The following MRPL55 variants were observed in gnomAD, a reference collection of about 807,000 sequenced individuals.
The protein encoded by MRPL55 is mitochondrial ribosomal protein L55, also known as large ribosomal subunit protein mL55.
MRPL55 carries 7 observed loss-of-function variants against 10.6 expected under a neutral mutation model. That is an observed-to-expected ratio of 0.66 (90% CI 0.38 to 1.24). MRPL55 has a LOEUF of 1.24. MRPL55 is among the 50% of genes most tolerant of loss of function. The pLI, the probability that MRPL55 is intolerant of heterozygous loss-of-function variation, is 0.02. For missense variants in MRPL55, 148 were observed against 180.3 expected, an observed-to-expected ratio of 0.82 and a Z score of 1.03; for synonymous variants, 57 against 71.8, an observed-to-expected ratio of 0.79 and a Z score of 1.04.
chr1:228,107,671 C>A lies in MRPL55; in HGVS notation c.225G>T (p.Leu75=). ...GCACCTGGAGAGGGAAGCTTACCGC[C>A]AGCATGCGCCGTGGCTCCCTGTAGC... ...HIRYREPRRM[L]AMPIDLDTLS... The change falls in exon 4 of 5, where the codon CTG becomes CTT. Residue 75 remains leucine, a synonymous_variant. Coordinates refer to ENST00000336520, the MANE Select transcript of MRPL55 (RefSeq NM_181463.3). The A allele has an allele frequency of 6.2e-7, 1 of 1,612,758 alleles. No homozygotes were observed. Among genetic ancestry groups the A allele is most frequent in the South Asian group, 1.1e-5 (1 of 91,048 alleles).
At chr1:228,108,575 T>A (rs1223702856) in intron 2 of MRPL55, 2 of 410,238 alleles carry the variant, frequency 4.9e-6, no homozygotes, top group East Asian at 4.0e-5. Context: ...CGTTACCGAG[T>A]CTGCGAAACC....
Position 228,106,844 on chromosome 1 carries a change from C to T in MRPL55, c.303G>A (p.Gln101=), listed in dbSNP as rs762932834. 6.2e-7 allele frequency: 1 copy of T among 1,614,012 alleles called. No homozygotes were observed. Among genetic ancestry groups the T allele is most frequent in the Non-Finnish European group, 8.5e-7 (1 of 1,180,036 alleles). ...GCTCCTGCTCGTACTCCTTCCTCGA[C>T]TGGAGCTGAGCCTCACGCTTCCGCA... The part of the protein sequence containing the change: ...ARLRKREAQL[Q]SRKEYEQELS... Residue 101 remains glutamine (Q), a synonymous_variant, in exon 5 of 5, where the codon CAG becomes CAA. Coordinates refer to ENST00000336520, the MANE Select transcript of MRPL55 (RefSeq NM_181463.3).
At chr1:228,108,476 T>C (rs1388315252) in intron 2 of MRPL55, 158 bp from the exon 3 acceptor site, 1 of 567,148 alleles carries the variant, frequency 1.8e-6, no homozygotes, top group Non-Finnish European at 3.1e-6. Flanking sequence ...CAGAACCGCC[T>C]GTAGAGGTTT....
In MRPL55 at chr1:228,106,738, C is replaced by T. The variant is rs770610131; in HGVS notation, c.*22G>A. ...AACAGCCCTCCCATCTTAGCAATGT[C>T]CCGGGGTGGCTGGAGCCACGGTCAC... On this transcript the variant is annotated 3_prime_UTR_variant, in exon 5 of 5. Transcript: ENST00000336520. The T allele has an allele frequency of 3.7e-6, 6 of 1,602,088 alleles. No individual in the cohort carries two copies. The highest frequency in any genetic ancestry group is 5.1e-6 in the Non-Finnish European group (6 of 1,172,366).
intron 3 of MRPL55, 146 bp downstream of exon 3, chr1:228,108,089 G>T: frequency 6.5e-7 from 1 of 1,534,888 alleles, no homozygotes; most frequent in Non-Finnish European, 8.8e-7. Flanking sequence ...GCCAGGCTGA[G>T]CAAGGGCACA....
chr1:228,108,281 G>C lies in MRPL55; in HGVS notation c.-21C>G, dbSNP rs1402561020. The C allele has an allele frequency of 6.8e-6, 11 of 1,609,422 alleles. 1 individual carries two copies. In the African/African-American group the frequency reaches 8.0e-5, roughly 12 times the overall value. On this transcript the variant is annotated 5_prime_UTR_variant, in exon 3 of 5. Coordinates refer to ENST00000336520, the MANE Select transcript of MRPL55 (RefSeq NM_181463.3). ...GCCATTCCTCCTTACAGCCCCAGTG[G>C]CACGTGGAGGTGGTCAGTACAGGCC...
At chr1:228,107,337 C>A (rs2033237444) in intron 4 of MRPL55, among the ~76,000 whole-genome samples, 1 of 152,150 alleles carries the variant, frequency 6.6e-6, no homozygotes, top group Non-Finnish European at 1.5e-5. Flanking sequence ...GGTGGGAGGA[C>A]CGCATGAGCC....
intron 4 of MRPL55, 34 bp downstream of exon 4, chr1:228,107,634 C>T (rs369280812): frequency 1.0e-5 from 16 of 1,605,460 alleles, no homozygotes; most frequent in African/African-American, 6.7e-5. Flanking sequence ...GACCCCAGCC[C>T]GGCACCTGGA....
At chr1:228,108,051 G>A (rs763406280) in intron 3 of MRPL55, 182 bp from the exon 4 acceptor site, 16 of 1,543,054 alleles carry the variant, frequency 1.0e-5, no homozygotes, top group East Asian at 2.5e-5. Context: ...GGTCAGAGGC[G>A]TTCTGGCCCC....
At chr1:228,107,991 C>T (rs1397454801) in intron 3 of MRPL55, 122 bp from the exon 4 acceptor site, 15 of 1,545,492 alleles carry the variant, frequency 9.7e-6, no homozygotes, top group South Asian at 3.6e-5. Context: ...GCTGGTGACC[C>T]GTGCCGGGGC....
In MRPL55 at chr1:228,106,694, C is replaced by G; in HGVS notation, c.*66G>C. Reference sequence around the variant, plus strand: ...AGACACAGACTCCAGGTGGCAGCTTCAAGAACGAGTGATTTAAGAACAGCC... The same window carrying G: ...AGACACAGACTCCAGGTGGCAGCTTGAAGAACGAGTGATTTAAGAACAGCC... On this transcript the variant is annotated 3_prime_UTR_variant, in exon 5 of 5. Coordinates refer to ENST00000336520, the MANE Select transcript of MRPL55 (RefSeq NM_181463.3). 6.5e-7 allele frequency: 1 copy of G among 1,533,458 alleles called. No homozygotes were observed. The highest frequency in any genetic ancestry group is 1.2e-5 in the South Asian group (1 of 80,936). The allele number at this position is 1,533,458 out of a possible 1,614,324, so 95.0% of individuals were successfully genotyped here.
rs777609431 is a variant in MRPL55, at chr1:228,106,796, C to T, written c.351G>A (p.Glu117=). 32 of 1,613,910 alleles carry T rather than the reference C, an allele frequency of 2.0e-5. No individual in the cohort carries two copies. The East Asian group carries it at 6.7e-4, about 34-fold the overall frequency. The change falls in exon 5 of 5, where the codon GAG becomes GAA. Residue 117 remains glutamate (E), a synonymous_variant. Coordinates refer to ENST00000336520, the MANE Select transcript of MRPL55 (RefSeq NM_181463.3). ...TCCTGGTCCAGAACTGTCGGTAGCG[C>T]TCCACATGCAAGTCATCACTGAGCT... The part of the protein sequence containing the change: ...EQELSDDLHV[E]RYRQFWTRTK...
In MRPL55 at chr1:228,106,831, A is replaced by T. The variant is rs747405783; in HGVS notation, c.316T>A (p.Tyr106Asn). The part of the protein sequence containing the change: ...REAQLQSRKE[Y>N]EQELSDDLHV... Reference sequence around the variant, plus strand: ...AAGTCATCACTGAGCTCCTGCTCGTACTCCTTCCTCGACTGGAGCTGAGCC... The same window carrying T: ...AAGTCATCACTGAGCTCCTGCTCGTTCTCCTTCCTCGACTGGAGCTGAGCC... Residue 106 changes from tyrosine (Y) to asparagine (N), a missense_variant, in exon 5 of 5, where the codon TAC becomes AAC. Tyr to Asn is a moderately radical substitution (Grantham distance 143, BLOSUM62 -2). Transcript: ENST00000336520. 3 of 1,613,646 alleles carry T rather than the reference A, an allele frequency of 1.9e-6. No homozygotes were observed. Among genetic ancestry groups the T allele is most frequent in the Non-Finnish European group, 2.5e-6 (3 of 1,179,968 alleles).
At chr1:228,108,032 A>T (rs1224168105) in intron 3 of MRPL55, 163 bp from the exon 4 acceptor site, 1 of 1,544,966 alleles carries the variant, frequency 6.5e-7, no homozygotes, top group African/African-American at 1.4e-5. Flanking sequence ...CTCAGGAGCC[A>T]CAGGCTGTGG....
intron 3 of MRPL55, 104 bp downstream of exon 3, chr1:228,108,131 G>A: frequency 6.5e-7 from 1 of 1,534,452 alleles, no homozygotes; most frequent in Non-Finnish European, 8.8e-7. Context: ...GTGGACAATA[G>A]CAAGGACTAG....
chr1:228,108,310 G>C lies in MRPL55; in HGVS notation c.-50C>G. The C allele has an allele frequency of 6.3e-7, 1 of 1,583,096 alleles. No individual in the cohort carries two copies. Among genetic ancestry groups the C allele is most frequent in the Non-Finnish European group, 8.6e-7 (1 of 1,162,438 alleles). ...GTGGAGGTGGTCAGTACAGGCCCTG[G>C]CGTGCAACCTGCTAGGCAGAGAATG... is the stretch of plus-strand genomic sequence containing the variant. On this transcript the variant is annotated 5_prime_UTR_variant, in exon 3 of 5. Coordinates refer to ENST00000336520, the MANE Select transcript of MRPL55 (RefSeq NM_181463.3).
At chr1:228,107,472 TA>T (rs1303481305) in intron 4 of MRPL55, among the ~76,000 whole-genome samples, 195 bp downstream of exon 4, 3 of 152,218 alleles carry the variant, frequency 2.0e-5, no homozygotes, top group Non-Finnish European at 4.4e-5. Context: ...TAGTCCTATC[TA>T]ATTTTGGTGC....
Position 228,108,251 on chromosome 1 carries a change from CG to C in MRPL55, c.9del (p.Val4TrpfsTer8), listed in dbSNP as rs1293332000. 5.0e-6 allele frequency: 8 copies of C among 1,610,900 alleles called. No homozygotes were observed. The highest frequency in any genetic ancestry group is 5.9e-6 in the Non-Finnish European group (7 of 1,179,110). ...CATGCTTACCCAAGCAGGCTGCCCA[CG>C]GCCGCCATTCCTCCTTACAGCCCCA... Reference protein sequence around the residue: MAAVGSLLGRLRQ... With the variant: MAXVGSLLGRLRQ... On this transcript the variant is annotated frameshift_variant, in exon 3 of 5. Transcript: ENST00000336520. LOFTEE classifies it high-confidence loss of function.
chr1:228,106,881 C>A lies in MRPL55; in HGVS notation c.266G>T (p.Arg89Leu), dbSNP rs748821629. 1.2e-6 allele frequency: 2 copies of A among 1,613,704 alleles called. No homozygotes were observed. The highest frequency in any genetic ancestry group is 1.7e-6 in the Non-Finnish European group (2 of 1,179,970). ...CTCACGCTTCCGCAGCCTGGCCCGG[C>A]GCTCCTCAGGAGACAGGGTGTCCAG... Reference protein sequence around the residue: ...IDLDTLSPEERRARLRKREAQ... With the variant: ...IDLDTLSPEELRARLRKREAQ... Residue 89 changes from arginine to leucine, a missense_variant, in exon 5 of 5, where the codon CGC (arginine) becomes CTC (leucine). Physicochemically the swap from Arg to Leu is moderately radical, Grantham distance 102. Transcript: ENST00000336520.
Sources: gnomAD v4.1 joint callset for allele counts (sites outside exome capture counted in the v4.1 genomes callset) on GRCh38, gnomAD v4.1.1 for gene constraint, MANE v1.5 for transcripts, NCBI Gene and HGNC (gene_info 2026-07-23, HGNC 2026-07-21) for gene names.